Variants in RABGAP1L observed in about 807,000 individuals in gnomAD.
The protein encoded by RABGAP1L is RAB GTPase activating protein 1 like, also known as rab GTPase-activating protein 1-like.
Under a neutral mutation model 137.7 loss-of-function variants are expected in RABGAP1L, and 63 were observed. The ratio of observed to expected loss-of-function variants is 0.46; its 90% CI spans 0.37 to 0.56. The LOEUF is 0.56. Ranked by LOEUF, RABGAP1L falls within the 20% of genes least tolerant of loss-of-function variation. The pLI is 0.00. For synonymous variants in RABGAP1L, 431 were observed against 433.7 expected, an observed-to-expected ratio of 0.99 and a Z score of 0.08; for missense variants, 1,095 against 1,244.0, an observed-to-expected ratio of 0.88 and a Z score of 1.80.
At chr1:174,413,033 G>C (rs1298267228) in intron 13 of RABGAP1L, among the ~76,000 whole-genome samples, 1 of 152,052 alleles carries the variant, frequency 6.6e-6, no homozygotes, top group Non-Finnish European at 1.5e-5. Flanking sequence ...AAGTTTTCTT[G>C]AATTATTCAC....
chr1:174,566,522 T>C (rs1352502735), intron 13 of RABGAP1L, among the ~76,000 whole-genome samples: 1 of 152,168 alleles, frequency 6.6e-6, no homozygotes, highest in African/African-American at 2.4e-5. Context: ...CAAGGAACCA[T>C]AGCTTTCAGT....
intron 7 of RABGAP1L, among the ~76,000 whole-genome samples, chr1:174,268,352 A>G (rs1269745468): frequency 6.6e-6 from 1 of 151,980 alleles, no homozygotes; most frequent in Admixed American, 6.6e-5. Context: ...GGTGCCCGCC[A>G]CTACGCCCGG....
chr1:174,161,239 A>G (rs965930852), intron 1 of RABGAP1L, among the ~76,000 whole-genome samples: 3 of 149,318 alleles, frequency 2.0e-5, no homozygotes, highest in Admixed American at 6.7e-5. Flanking sequence ...TATTATTATT[A>G]TTATTATTAT....
chr1:174,608,041 CT>C (rs1670915827), intron 13 of RABGAP1L, among the ~76,000 whole-genome samples: 1 of 152,112 alleles, frequency 6.6e-6, no homozygotes. Flanking sequence ...GGATAACATT[CT>C]GCCTTACAAT....
At chr1:174,855,713 G>A (rs1028595025) in intron 19 of RABGAP1L, among the ~76,000 whole-genome samples, 1 of 152,160 alleles carries the variant, frequency 6.6e-6, no homozygotes, top group African/African-American at 2.4e-5. Flanking sequence ...TTTTTGAAAA[G>A]AAAGTCTCAA....
At chr1:174,493,415 G>A (rs1196426677) in intron 13 of RABGAP1L, among the ~76,000 whole-genome samples, 2 of 151,704 alleles carry the variant, frequency 1.3e-5, no homozygotes, top group Non-Finnish European at 2.9e-5. Flanking sequence ...AATCTCAGAT[G>A]TGTCCAAAAT....
At chr1:174,874,629 C>G (rs187018471) in intron 19 of RABGAP1L, 2 of 461,634 alleles carry the variant, frequency 4.3e-6, no homozygotes, top group Non-Finnish European at 5.4e-6. Flanking sequence ...GGTGTGAAGG[C>G]GATAACTGCA....
Position 174,499,868 on chromosome 1 carries a change from T to C in RABGAP1L, c.1710+105723T>C, listed in dbSNP as rs1418828913. On this transcript the variant is annotated intron_variant, in intron 13 of 25. Transcript: ENST00000681986. Reference sequence around the variant, plus strand: ...TGTTTTCAATTTCTGTTCCTGGGACTCTCTTTTAAGTTCATATATTATAAT... The same window carrying C: ...TGTTTTCAATTTCTGTTCCTGGGACCCTCTTTTAAGTTCATATATTATAAT... Among the ~76,000 whole-genome samples the C allele has an allele frequency of 3.9e-5, 6 of 152,186 alleles. 1 individual carries two copies. The highest frequency in any genetic ancestry group is 3.9e-4 in the Admixed American group (6 of 15,278).
At chr1:174,321,896 C>T (rs1248339874) in intron 11 of RABGAP1L, among the ~76,000 whole-genome samples, 1 of 152,088 alleles carries the variant, frequency 6.6e-6, no homozygotes, top group Admixed American at 6.6e-5. Context: ...TGTATATCTT[C>T]TTGGTCAAGT....
rs72713541 is a variant in RABGAP1L at position 174,362,867 on chromosome 1, G to A, written c.1466-8112G>A. Reference sequence around the variant, plus strand: ...ATCTTCATCATGAAATATTTGTGCCGATGTCTCGAATGGTATTGCTGAGGT... The same window carrying A: ...ATCTTCATCATGAAATATTTGTGCCAATGTCTCGAATGGTATTGCTGAGGT... On this transcript the variant is annotated intron_variant, in intron 11 of 25. Coordinates refer to ENST00000681986, the MANE Select transcript of RABGAP1L (RefSeq NM_001366446.1). Among the ~76,000 whole-genome samples, 533 of 152,206 alleles carry A rather than the reference G, an allele frequency of 3.5e-3. 2 individuals carry two copies. Among genetic ancestry groups the A allele is most frequent in the Non-Finnish European group, 5.2e-3 (354 of 67,998 alleles).
At chr1:174,724,009 G>T (rs1323395119) in intron 17 of RABGAP1L, among the ~76,000 whole-genome samples, 1 of 152,192 alleles carries the variant, frequency 6.6e-6, no homozygotes, top group East Asian at 1.9e-4. Context: ...AAGAATAAAT[G>T]CTGACATTGT....
At chr1:174,349,376 C>T (rs1336785472) in intron 11 of RABGAP1L, among the ~76,000 whole-genome samples, 10 of 138,224 alleles carry the variant, frequency 7.2e-5, no homozygotes, top group African/African-American at 2.8e-5. Context: ...CCCCACCTCC[C>T]TCCCGGACGG....
chr1:174,890,517 G>A (rs59073370), intron 19 of RABGAP1L, among the ~76,000 whole-genome samples: 2 of 152,026 alleles, frequency 1.3e-5, no homozygotes, highest in Admixed American at 1.3e-4. Context: ...TAAAGTACAG[G>A]TTTTGATTTT....
chr1:174,168,985 A>G (rs1006226138), intron 1 of RABGAP1L, among the ~76,000 whole-genome samples: 1 of 152,194 alleles, frequency 6.6e-6, no homozygotes. Context: ...CTGTATGTCC[A>G]TGTGTACCCA....
At chr1:174,689,327 G>A (rs955505914) in intron 15 of RABGAP1L, among the ~76,000 whole-genome samples, 12 of 150,748 alleles carry the variant, frequency 8.0e-5, no homozygotes, top group South Asian at 2.1e-4. Flanking sequence ...AGTCTCTATC[G>A]TATATATATA....
chr1:174,872,637 C>T (rs6425298), intron 19 of RABGAP1L, among the ~76,000 whole-genome samples: 53,079 of 151,448 alleles, frequency 0.35, 11,667 homozygotes, highest in African/African-American at 0.63. Flanking sequence ...TTGCAGTTCA[C>T]TGTAGCCTGA....
At chr1:174,806,420 C>G (rs1253043166) in intron 18 of RABGAP1L, among the ~76,000 whole-genome samples, 1 of 152,048 alleles carries the variant, frequency 6.6e-6, no homozygotes, top group Non-Finnish European at 1.5e-5. Flanking sequence ...GGCAACATAG[C>G]AAAACCCCAT....
chr1:174,272,684 CA>C (rs745437744), intron 8 of RABGAP1L, among the ~76,000 whole-genome samples: 2 of 151,890 alleles, frequency 1.3e-5, no homozygotes, highest in Non-Finnish European at 2.9e-5. Flanking sequence ...CAGTCATATG[CA>C]ACAAATAAAA....
chr1:174,907,739 T>C (rs542831045), intron 19 of RABGAP1L, among the ~76,000 whole-genome samples: 1 of 152,250 alleles, frequency 6.6e-6, no homozygotes, highest in African/African-American at 2.4e-5. Flanking sequence ...ATTTACTACC[T>C]ATTAGGTAGG....
Sources: gnomAD v4.1 joint callset for allele counts (sites outside exome capture counted in the v4.1 genomes callset) on GRCh38, gnomAD v4.1.1 for gene constraint, MANE v1.5 for transcripts, NCBI Gene and HGNC (gene_info 2026-07-23, HGNC 2026-07-21) for gene names.